CREB5: variants seen among roughly 807,000 people sequenced by gnomAD.
CREB5 encodes the protein cyclic AMP-responsive element-binding protein 5.
CREB5 carries 19 observed loss-of-function variants against 57.1 expected under a neutral mutation model. The ratio of observed to expected loss-of-function variants is 0.33; its 90% CI spans 0.23 to 0.49. CREB5 has a LOEUF of 0.49. Among genes scored for constraint, CREB5 ranks in the 20% least tolerant of loss-of-function variants. The pLI, the probability that CREB5 is intolerant of heterozygous loss-of-function variation, is 0.99. For missense variants in CREB5, 579 were observed against 671.6 expected, an observed-to-expected ratio of 0.86 and a Z score of 1.52; for synonymous variants, 238 against 238.3, an observed-to-expected ratio of 1.00 and a Z score of 0.01.
chr7:28,443,883 T>C (rs1789307988), intron 1 of CREB5, among the ~76,000 whole-genome samples: 2 of 152,198 alleles, frequency 1.3e-5, no homozygotes, highest in Non-Finnish European at 1.5e-5. Flanking sequence ...CCAAATGCCA[T>C]AGGTCATTTA....
At position 28,656,466 on chromosome 7, in the gene CREB5, C is replaced by G. The variant is rs559877074; in HGVS notation, c.465-62287C>G. Among the ~76,000 whole-genome samples the G allele has an allele frequency of 9.2e-5, 14 of 152,306 alleles. No homozygotes were observed. The East Asian group carries it at 2.3e-3, about 25-fold the overall frequency. On this transcript the variant is annotated intron_variant, in intron 5 of 10. Transcript: ENST00000357727. ...AAGAAATCACTCTCATGTATTTATACCTAATCATTTCCTGCTTTGCAATAT... is the reference window on the plus strand; with the variant it reads ...AAGAAATCACTCTCATGTATTTATAGCTAATCATTTCCTGCTTTGCAATAT...
chr7:28,328,219 T>G (rs1785645339), intron 1 of CREB5, among the ~76,000 whole-genome samples: 1 of 152,224 alleles, frequency 6.6e-6, no homozygotes, highest in Admixed American at 6.5e-5. Context: ...GCATTCAATC[T>G]AAGCCCATCA....
At chr7:28,613,597 C>G (rs889163164) in intron 5 of CREB5, among the ~76,000 whole-genome samples, 3 of 152,188 alleles carry the variant, frequency 2.0e-5, no homozygotes, top group African/African-American at 7.2e-5. Context: ...TGGGACTACT[C>G]CTTCTGCTTT....
At chr7:28,361,887 A>G (rs1786492712) in intron 1 of CREB5, among the ~76,000 whole-genome samples, 1 of 152,200 alleles carries the variant, frequency 6.6e-6, no homozygotes, top group Admixed American at 6.5e-5. Flanking sequence ...AAGAGCTTCT[A>G]ATTGTAATTT....
intron 7 of CREB5, chr7:28,749,193 C>T (rs1804842023): frequency 6.6e-6 from 1 of 152,250 alleles, no homozygotes; most frequent in African/African-American, 2.4e-5. Flanking sequence ...TTCCAAACAA[C>T]ATTCTGGGCG....
intron 4 of CREB5, among the ~76,000 whole-genome samples, chr7:28,520,680 G>C (rs925916882): frequency 7.9e-5 from 12 of 152,346 alleles, no homozygotes; most frequent in African/African-American, 2.9e-4. Flanking sequence ...CTATCTCTGA[G>C]ATAAGAGTTC....
intron 5 of CREB5, among the ~76,000 whole-genome samples, chr7:28,691,146 G>T (rs572631886): frequency 6.6e-6 from 1 of 152,162 alleles, no homozygotes; most frequent in Non-Finnish European, 1.5e-5. Flanking sequence ...TAGGCCAGGC[G>T]TGGTGACTTG....
chr7:28,576,446 T>C (rs1185151577), intron 5 of CREB5, among the ~76,000 whole-genome samples: 2 of 152,200 alleles, frequency 1.3e-5, no homozygotes, highest in African/African-American at 4.8e-5. Flanking sequence ...TATGGGTCTA[T>C]TGGACTCAAA....
At chr7:28,739,254 G>A (rs1160039922) in intron 7 of CREB5, among the ~76,000 whole-genome samples, 4 of 152,186 alleles carry the variant, frequency 2.6e-5, no homozygotes, top group Non-Finnish European at 4.4e-5. Context: ...TCAGTTATGA[G>A]TTCCACTATC....
intron 1 of CREB5, among the ~76,000 whole-genome samples, chr7:28,378,116 G>A (rs1786880461): frequency 6.6e-6 from 1 of 152,068 alleles, no homozygotes; most frequent in African/African-American, 2.4e-5. Context: ...AACACTGGTT[G>A]GTCATAGATG....
At chr7:28,410,446 G>T (rs1045272667), upstream of CREB5, 1 of 456,594 alleles carries the variant, frequency 2.2e-6, no homozygotes, top group African/African-American at 2.0e-5. Context: ...GTTCTTAGAG[G>T]GGCAAGATGC....
At chr7:28,656,476 T>G (rs1799337338) in intron 5 of CREB5, among the ~76,000 whole-genome samples, 1 of 152,246 alleles carries the variant, frequency 6.6e-6, no homozygotes, top group East Asian at 1.9e-4. Flanking sequence ...CCTAATCATT[T>G]CCTGCTTTGC....
intron 5 of CREB5, among the ~76,000 whole-genome samples, chr7:28,694,747 A>G (rs1021107119): frequency 7.9e-5 from 12 of 152,020 alleles, no homozygotes; most frequent in Non-Finnish European, 1.3e-4. Flanking sequence ...GGGTATCCCT[A>G]TGTAGCCCAG....
At position 28,513,942 on chromosome 7, in the gene CREB5, G is replaced by T. The variant is rs575379195; in HGVS notation, c.291+6205G>T. 9.9e-5 allele frequency: 15 copies of T among 152,236 alleles called. No homozygotes were observed. In the South Asian group the frequency reaches 2.9e-3, roughly 29 times the overall value. 9.4% of individuals were successfully genotyped at this position (152,236 alleles called of 1,614,324 possible). A position where few individuals can be genotyped will look rare whatever the true frequency, so the allele number is the denominator to read the frequency against. On this transcript the variant is annotated intron_variant, in intron 4 of 10. Coordinates refer to ENST00000357727, the MANE Select transcript of CREB5 (RefSeq NM_182898.4). ...TTGGGTTTTTTGGTGAAAAGACAGG[G>T]TATCCTGAAAGTAGCAATATACATA...
intron 1 of CREB5, among the ~76,000 whole-genome samples, chr7:28,428,600 G>A (rs1428523648): frequency 6.6e-6 from 1 of 152,202 alleles, no homozygotes; most frequent in East Asian, 1.9e-4. Context: ...CAAGGATGAA[G>A]TTGTCATCGA....
intron 5 of CREB5, among the ~76,000 whole-genome samples, chr7:28,648,198 G>A (rs1798963470): frequency 6.6e-6 from 1 of 151,910 alleles, no homozygotes; most frequent in African/African-American, 2.4e-5. Flanking sequence ...CATTCTCAGG[G>A]GTAAGATAAA....
At chr7:28,590,626 G>A (rs958823316) in intron 5 of CREB5, among the ~76,000 whole-genome samples, 4 of 151,206 alleles carry the variant, frequency 2.6e-5, no homozygotes, top group Non-Finnish European at 5.9e-5. Flanking sequence ...ATGTATACAT[G>A]TGTAACAAAC....
rs1396686194 is a variant in CREB5, at chr7:28,560,845, C to CGT, written c.292-9519_292-9518insTG. 2.1e-3 allele frequency among the ~76,000 whole-genome samples: 85 copies of CGT among 41,326 alleles called. 5 individuals carry two copies. Among genetic ancestry groups the CGT allele is most frequent in the South Asian group, 3.9e-3 (5 of 1,270 alleles). 27.1% of individuals were successfully genotyped at this position (41,326 alleles called of 152,430 possible). ...GTGCGCGCGCGCGCGTGTGTGTGTG[C>CGT]GCGTGTGTGTGTGCGTGTGCCTGCG... On this transcript the variant is annotated intron_variant, in intron 4 of 10. Coordinates refer to ENST00000357727, the MANE Select transcript of CREB5 (RefSeq NM_182898.4).
At chr7:28,463,488 A>C (rs1790435610) in intron 1 of CREB5, among the ~76,000 whole-genome samples, 2 of 152,206 alleles carry the variant, frequency 1.3e-5, no homozygotes, top group Non-Finnish European at 2.9e-5. Context: ...TTTGTTTAAG[A>C]TTGTGCTGAA....
Sources: gnomAD v4.1 joint callset for allele counts (sites outside exome capture counted in the v4.1 genomes callset) on GRCh38, gnomAD v4.1.1 for gene constraint, MANE v1.5 for transcripts, NCBI Gene and HGNC (gene_info 2026-07-23, HGNC 2026-07-21) for gene names.